Variants in CYLD observed in about 807,000 individuals in gnomAD.
CYLD encodes CYLD lysine 63 deubiquitinase.
Under a neutral mutation model 104.5 loss-of-function variants are expected in CYLD, and 26 were observed. That is an observed-to-expected ratio of 0.25 (90% CI 0.18 to 0.35). CYLD has a LOEUF of 0.35. Ranked by LOEUF, CYLD falls within the 10% of genes least tolerant of loss-of-function variation. The pLI, the probability that CYLD is intolerant of heterozygous loss-of-function variation, is 1.00. For synonymous variants in CYLD, 385 were observed against 399.9 expected, an observed-to-expected ratio of 0.96 and a Z score of 0.45; for missense variants, 703 against 1,136.1, an observed-to-expected ratio of 0.62 and a Z score of 5.48.
intron 5 of CYLD, among the ~76,000 whole-genome samples, chr16:50,758,797 G>A (rs1967571204): frequency 6.6e-6 from 1 of 152,136 alleles, no homozygotes; most frequent in Non-Finnish European, 1.5e-5. Context: ...ATGCGTCGGG[G>A]AGTGGGAGTT....
chr16:50,782,951 G>T (rs1237059368), intron 11 of CYLD, among the ~76,000 whole-genome samples: 2 of 115,960 alleles, frequency 1.7e-5, no homozygotes, highest in African/African-American at 7.0e-5. Context: ...TTGAGACAGA[G>T]TCTCACTCTG....
In CYLD at chr16:50,787,627, T is replaced by C. The variant is rs1970985141; in HGVS notation, c.2042-159T>C. On this transcript the variant is annotated intron_variant, in intron 13 of 18. Coordinates refer to ENST00000427738, the MANE Select transcript of CYLD (RefSeq NM_001378743.1). ...TAACTTATTAAATGTCTTTTATGTTTTTCCTTTGTCAGGAAAACTTGAAAA... is the reference window on the plus strand; with the variant it reads ...TAACTTATTAAATGTCTTTTATGTTCTTCCTTTGTCAGGAAAACTTGAAAA... 4 of 566,032 alleles carry C rather than the reference T, an allele frequency of 7.1e-6. No individual in the cohort carries two copies. In the East Asian group the frequency reaches 1.2e-4, roughly 17 times the overall value. The allele number at this position is 566,032 out of a possible 1,614,324, so 35.1% of individuals were successfully genotyped here.
At chr16:50,779,353 C>T (rs956616871) in intron 8 of CYLD, among the ~76,000 whole-genome samples, 6 of 151,970 alleles carry the variant, frequency 3.9e-5, no homozygotes, top group African/African-American at 7.3e-5. Flanking sequence ...TTAAGGTTTT[C>T]GGTATCTTTT....
chr16:50,791,162 T>C (rs2151028429), intron 14 of CYLD, among the ~76,000 whole-genome samples: 1 of 152,364 alleles, frequency 6.6e-6, no homozygotes, highest in South Asian at 2.1e-4. Flanking sequence ...GTCTGTCACA[T>C]CCAGCATATA....
At chr16:50,743,978 A>G (rs948437700) in intron 2 of CYLD, among the ~76,000 whole-genome samples, 8 of 152,092 alleles carry the variant, frequency 5.3e-5, no homozygotes, top group African/African-American at 1.7e-4. Flanking sequence ...AGGAAATGCA[A>G]TTTTGTTTTC....
intron 4 of CYLD, 124 bp from the exon 5 acceptor site, chr16:50,754,195 T>C: frequency 1.4e-6 from 1 of 719,504 alleles, no homozygotes. Context: ...TCTTTCTTTC[T>C]TTTAGGTAAA....
chr16:50,762,034 T>A (rs1256464711), intron 5 of CYLD, among the ~76,000 whole-genome samples: 1 of 152,176 alleles, frequency 6.6e-6, no homozygotes, highest in Non-Finnish European at 1.5e-5. Context: ...AAATTGTATA[T>A]ATTCATGGGG....
chr16:50,794,394 C>A lies in CYLD; in HGVS notation c.2652C>A (p.Ala884=). The A allele has an allele frequency of 6.2e-7, 1 of 1,614,190 alleles. No homozygotes were observed. The highest frequency in any genetic ancestry group is 8.5e-7 in the Non-Finnish European group (1 of 1,180,044). The change falls in exon 18 of 19, where the codon GCC becomes GCA. Residue 884 remains alanine (A), a synonymous_variant. Coordinates refer to ENST00000427738, the MANE Select transcript of CYLD (RefSeq NM_001378743.1). This position sits in a 1 kb window ranked among gnomAD's most constrained non-coding sequence, Gnocchi z 4.1. ...AFVKYGKDDS[A]WLFFDSMADR... is the part of the protein sequence containing the mutation. Reference sequence around the variant, plus strand: ...TGAAGTATGGGAAGGACGATTCTGCCTGGCTCTTCTTTGACAGCATGGCCG... The same window carrying A: ...TGAAGTATGGGAAGGACGATTCTGCATGGCTCTTCTTTGACAGCATGGCCG...
chr16:50,742,767 C>A lies in CYLD; in HGVS notation c.-198C>A. On this transcript the variant is annotated 5_prime_UTR_variant, in exon 2 of 19. Transcript: ENST00000427738. ...TGTTCTGCTTTTTCTTTCAGTTTCCCCCTTTCTAGGGTGAGGATGGTTCTA... is the reference window on the plus strand; with the variant it reads ...TGTTCTGCTTTTTCTTTCAGTTTCCACCTTTCTAGGGTGAGGATGGTTCTA... The A allele has an allele frequency of 2.5e-6, 1 of 398,764 alleles. No individual in the cohort carries two copies. Among genetic ancestry groups the A allele is most frequent in the Non-Finnish European group, 4.4e-6 (1 of 226,130 alleles). 24.7% of individuals were successfully genotyped at this position (398,764 alleles called of 1,614,324 possible). A position where few individuals can be genotyped will look rare whatever the true frequency, so the allele number is the denominator to read the frequency against.
chr16:50,746,723 G>A (rs983397311), intron 2 of CYLD, among the ~76,000 whole-genome samples: 1 of 152,002 alleles, frequency 6.6e-6, no homozygotes, highest in African/African-American at 2.4e-5. Context: ...AAACCTAGCA[G>A]TTATATCAAT....
chr16:50,779,750 C>G lies in CYLD; in HGVS notation c.1224C>G (p.Asn408Lys), dbSNP rs1262264575. ...SSPPLQPPPV[N>K]SLTTENRFHS... The stretch of plus-strand genomic sequence containing the variant: ...CACCACTCCAGCCTCCTCCTGTGAA[C>G]TCACTGACCACCGAGAACAGATTCC... The change falls in exon 9 of 19, where the codon AAC (asparagine) becomes AAG (lysine). Residue 408 changes from asparagine (N) to lysine (K), a missense_variant. Transcript: ENST00000427738. The G allele has an allele frequency of 6.3e-7, 1 of 1,591,786 alleles. No homozygotes were observed. Among genetic ancestry groups the G allele is most frequent in the Non-Finnish European group, 8.5e-7 (1 of 1,170,730 alleles).
chr16:50,787,539 A>G (rs2151017498), intron 13 of CYLD: 1 of 419,300 alleles, frequency 2.4e-6, no homozygotes, highest in Non-Finnish European at 4.3e-6. Context: ...CATTATGTGC[A>G]ATGTGTTACA....
At position 50,795,460 on chromosome 16, in the gene CYLD, G is replaced by A. The variant is rs1444800207; in HGVS notation, c.2687-864G>A. 4.3e-6 allele frequency: 3 copies of A among 691,020 alleles called. No individual in the cohort carries two copies. In the South Asian group the frequency reaches 4.6e-5, roughly 11 times the overall value. 42.8% of individuals were successfully genotyped at this position (691,020 alleles called of 1,614,324 possible). On this transcript the variant is annotated intron_variant, in intron 18 of 18. Transcript: ENST00000427738. ...AAAGCAGCCCTGCCTCTACCTATAAGGAGTTTGCAGGTTAAGACCAGGCCT... is the reference window on the plus strand; with the variant it reads ...AAAGCAGCCCTGCCTCTACCTATAAAGAGTTTGCAGGTTAAGACCAGGCCT...
intron 1 of CYLD, chr16:50,742,410 C>CA (rs1567414291): frequency 5.5e-6 from 1 of 180,488 alleles, no homozygotes; most frequent in African/African-American, 2.3e-5. Context: ...TTTCCCCCCC[C>CA]CACCGGGGCT....
rs527412619 is a variant in CYLD at position 50,797,557 on chromosome 16, A to T, written c.*1049A>T. The T allele has an allele frequency of 8.2e-5, 19 of 232,622 alleles. No homozygotes were observed. Among genetic ancestry groups the T allele is most frequent in the Admixed American group, 5.6e-5 (1 of 17,788 alleles). The allele number at this position is 232,622 out of a possible 1,614,324, so 14.4% of individuals were successfully genotyped here. A position where few individuals can be genotyped will look rare whatever the true frequency, so the allele number is the denominator to read the frequency against. On this transcript the variant is annotated 3_prime_UTR_variant, in exon 19 of 19. Transcript: ENST00000427738. ...CATCCTCCTTCTGATTAAAGTAAGTAGAAATGGGATGTTTTGTTTAATAAC... is the reference window on the plus strand; with the variant it reads ...CATCCTCCTTCTGATTAAAGTAAGTTGAAATGGGATGTTTTGTTTAATAAC...
chr16:50,796,687 TA>T lies in CYLD; in HGVS notation c.*181del, dbSNP rs548122771. 1.3e-4 allele frequency: 84 copies of T among 654,664 alleles called. No individual in the cohort carries two copies. The South Asian group carries it at 1.4e-3, about 11-fold the overall frequency. The allele number at this position is 654,664 out of a possible 1,614,324, so 40.6% of individuals were successfully genotyped here. A position where few individuals can be genotyped will look rare whatever the true frequency, so the allele number is the denominator to read the frequency against. Reference sequence around the variant, plus strand: ...GCTTTTGTGTCCCTGAAGTATTTAATAAGAAGCATTTTGCACTCTAGAAAGT... The same window carrying T: ...GCTTTTGTGTCCCTGAAGTATTTAATAGAAGCATTTTGCACTCTAGAAAGT... On this transcript the variant is annotated 3_prime_UTR_variant, in exon 19 of 19. Transcript: ENST00000427738.
intron 3 of CYLD, among the ~76,000 whole-genome samples, 185 bp downstream of exon 3, chr16:50,750,387 C>T (rs150333309): frequency 6.6e-6 from 1 of 152,320 alleles, no homozygotes; most frequent in African/African-American, 2.4e-5. Flanking sequence ...TAATCCAAAA[C>T]TTGCTTATAG....
intron 12 of CYLD, 92 bp downstream of exon 12, chr16:50,784,543 T>C (rs1369571550): frequency 7.7e-7 from 1 of 1,307,064 alleles, no homozygotes; most frequent in East Asian, 2.3e-5. Context: ...TGTCTTCATG[T>C]AATAAGAGAT....
chr16:50,749,178 G>A (rs1966432923), intron 2 of CYLD, among the ~76,000 whole-genome samples: 1 of 151,368 alleles, frequency 6.6e-6, no homozygotes, highest in South Asian at 2.1e-4. Context: ...GTCCAGCATG[G>A]GCAACAAGAG....
Sources: gnomAD v4.1 joint callset for allele counts (sites outside exome capture counted in the v4.1 genomes callset) on GRCh38, gnomAD v4.1.1 for gene constraint, Gnocchi (gnomAD v3.1) non-coding constraint, MANE v1.5 for transcripts, NCBI Gene and HGNC (gene_info 2026-07-23, HGNC 2026-07-21) for gene names.